The following MAGI1 variants were observed in gnomAD, a reference collection of about 807,000 sequenced individuals.
The protein encoded by MAGI1 is membrane-associated guanylate kinase, WW and PDZ domain-containing protein 1.
A neutral mutation model predicts 139.9 loss-of-function variants in MAGI1; 58 were observed. The ratio of observed to expected loss-of-function variants is 0.41; its 90% CI spans 0.34 to 0.52. The LOEUF is 0.52. Ranked by LOEUF, MAGI1 falls within the 20% of genes least tolerant of loss-of-function variation. The pLI, the probability that MAGI1 is intolerant of heterozygous loss-of-function variation, is 0.12. For missense variants in MAGI1, 1,874 were observed against 1,901.6 expected (o/e 0.99, Z 0.27); for synonymous variants, 812 against 737.9 (o/e 1.10, Z -1.63).
At chr3:65,417,191 C>T (rs1049725152) in intron 12 of MAGI1, among the ~76,000 whole-genome samples, 38 of 152,110 alleles carry the variant, frequency 2.5e-4, no homozygotes, top group African/African-American at 9.2e-4. Context: ...GGGGTAGTGA[C>T]AGCATCAGGA....
intron 22 of MAGI1, chr3:65,360,961 A>C: frequency 7.0e-7 from 1 of 1,422,216 alleles, no homozygotes; most frequent in Non-Finnish European, 9.2e-7. Flanking sequence ...CTCTCTGATT[A>C]TCAGAAAGGG....
chr3:65,921,861 G>A (rs976078401), intron 1 of MAGI1, among the ~76,000 whole-genome samples: 2 of 151,480 alleles, frequency 1.3e-5, no homozygotes, highest in African/African-American at 2.4e-5. Flanking sequence ...AGCCACGATG[G>A]CGCCACTGCA....
At chr3:65,401,660 C>A in intron 12 of MAGI1, 190 bp from the exon 13 acceptor site, 6 of 1,545,048 alleles carry the variant, frequency 3.9e-6, no homozygotes, top group Middle Eastern at 1.7e-4. Flanking sequence ...AGGAGGAGAG[C>A]GAGAGGCAGG....
At chr3:65,438,935 C>G (rs536662400) in intron 9 of MAGI1, among the ~76,000 whole-genome samples, 1 of 152,162 alleles carries the variant, frequency 6.6e-6, no homozygotes, top group African/African-American at 2.4e-5. Context: ...TATTATCTGG[C>G]TGTTTAGAGA....
rs531916125 is a variant in MAGI1, at chr3:65,714,524, A to G, written c.314-92436T>C. 2.0e-4 allele frequency among the ~76,000 whole-genome samples: 30 copies of G among 152,188 alleles called. No individual in the cohort carries two copies. The South Asian group carries it at 5.8e-3, about 29-fold the overall frequency. On this transcript the variant is annotated intron_variant, in intron 1 of 22. Transcript: ENST00000402939. ...GGGAGCCTACGTAAACATGATGCTC[A>G]TGCCACTTGTTGTGCTGTGAGCAAT... is the stretch of plus-strand genomic sequence containing the variant.
intron 1 of MAGI1, among the ~76,000 whole-genome samples, chr3:65,656,222 T>G (rs1250249358): frequency 6.6e-6 from 1 of 152,210 alleles, no homozygotes; most frequent in Admixed American, 6.5e-5. Context: ...TGAGAAAATT[T>G]TGTTCTCCTT....
At chr3:65,849,577 A>T (rs2059137195) in intron 1 of MAGI1, among the ~76,000 whole-genome samples, 1 of 151,586 alleles carries the variant, frequency 6.6e-6, no homozygotes, top group Non-Finnish European at 1.5e-5. Context: ...CTGGGATTTG[A>T]GGGTTGCTGG....
chr3:65,669,344 G>A (rs1181798322), intron 1 of MAGI1, among the ~76,000 whole-genome samples: 3 of 152,184 alleles, frequency 2.0e-5, no homozygotes, highest in African/African-American at 7.2e-5. Flanking sequence ...CTTGTTTGAT[G>A]AGAGGAATGA....
At chr3:65,722,298 A>T (rs1013018963) in intron 1 of MAGI1, among the ~76,000 whole-genome samples, 1 of 151,998 alleles carries the variant, frequency 6.6e-6, no homozygotes, top group East Asian at 1.9e-4. Context: ...GAATGGGAAA[A>T]CTCTGGGAAA....
At chr3:65,657,930 C>T (rs1376143944) in intron 1 of MAGI1, among the ~76,000 whole-genome samples, 1 of 152,172 alleles carries the variant, frequency 6.6e-6, no homozygotes, top group Non-Finnish European at 1.5e-5. Context: ...ACAATACCTT[C>T]TTTAGAAGGT....
intron 9 of MAGI1, among the ~76,000 whole-genome samples, chr3:65,438,370 C>T (rs527335894): frequency 4.4e-4 from 67 of 152,154 alleles, no homozygotes; most frequent in Non-Finnish European, 7.6e-4. Flanking sequence ...ACCATGGCAA[C>T]TCGGAAGGGT....
rs1173504987 is a variant in MAGI1 at position 65,859,906 on chromosome 3, G to GT, written c.313+178089dup. Among the ~76,000 whole-genome samples, 1,051 of 126,464 alleles carry GT rather than the reference G, an allele frequency of 8.3e-3. 12 individuals carry two copies. The highest frequency in any genetic ancestry group is 0.042 in the South Asian group (161 of 3,818). 83.0% of individuals were successfully genotyped at this position (126,464 alleles called of 152,430 possible). A position where few individuals can be genotyped will look rare whatever the true frequency, so the allele number is the denominator to read the frequency against. On this transcript the variant is annotated intron_variant, in intron 1 of 22. Transcript: ENST00000402939. ...TGTTTTTTTGTTTGTTTTTGTTTTT[G>GT]TTTTTTTTTTTTTGAGACACAATTT...
intron 1 of MAGI1, among the ~76,000 whole-genome samples, chr3:66,032,421 C>T (rs2068665173): frequency 7.0e-6 from 1 of 143,190 alleles, no homozygotes; most frequent in African/African-American, 2.5e-5. Context: ...AGGGTTTCAC[C>T]ATCTTGGCCA....
chr3:66,028,981 ACTCACTATGTGCCAAGCC>A (rs2068451967), intron 1 of MAGI1, among the ~76,000 whole-genome samples: 1 of 152,192 alleles, frequency 6.6e-6, no homozygotes, highest in Non-Finnish European at 1.5e-5. Flanking sequence ...TTTATTGAGC[ACTCACTATGTGCCAAGCC>A]CTGTGTCATG....
At chr3:65,509,751 T>C (rs1260130698) in intron 2 of MAGI1, among the ~76,000 whole-genome samples, 3 of 152,030 alleles carry the variant, frequency 2.0e-5, no homozygotes, top group South Asian at 2.1e-4. Flanking sequence ...TTGCCCAGGC[T>C]TGCTTAGGTA....
intron 2 of MAGI1, among the ~76,000 whole-genome samples, chr3:65,520,323 A>C (rs765120887): frequency 7.2e-5 from 11 of 152,226 alleles, no homozygotes; most frequent in Non-Finnish European, 1.0e-4. Flanking sequence ...TTCCTAATGC[A>C]CTTATGTGGA....
chr3:65,428,996 G>T (rs1318885064), intron 12 of MAGI1, among the ~76,000 whole-genome samples: 1 of 152,172 alleles, frequency 6.6e-6, no homozygotes, highest in Admixed American at 6.6e-5. Context: ...AAAGCAGCCA[G>T]TGTGGCTAAA....
intron 1 of MAGI1, among the ~76,000 whole-genome samples, chr3:65,941,346 C>CAA (rs571392999): frequency 0.043 from 5,644 of 130,618 alleles, 343 homozygotes; most frequent in African/African-American, 0.14. Flanking sequence ...GACTCCGTCT[C>CAA]AAAAAAAAAA....
chr3:65,476,741 C>T lies in MAGI1; in HGVS notation c.757+1851G>A, dbSNP rs544638313. Among the ~76,000 whole-genome samples, 21 of 152,006 alleles carry T rather than the reference C, an allele frequency of 1.4e-4. No homozygotes were observed. The South Asian group carries it at 2.7e-3, about 20-fold the overall frequency. On this transcript the variant is annotated intron_variant, in intron 4 of 22. Transcript: ENST00000402939. ...ATGGTTTAGGTTATACCATGATTTG[C>T]TATTCTTATTTATCAAAATATCAAG...
Sources: allele counts gnomAD v4.1 joint callset (sites outside exome capture counted in the v4.1 genomes callset), GRCh38; gene constraint gnomAD v4.1.1; transcripts MANE v1.5; gene names NCBI Gene and HGNC (gene_info 2026-07-23, HGNC 2026-07-21).